RSRC1: variants seen among roughly 807,000 people sequenced by gnomAD.
RSRC1 encodes the protein serine/Arginine-related protein 53.
RSRC1 carries 39 observed loss-of-function variants against 49.1 expected under a neutral mutation model. That is an observed-to-expected ratio of 0.79 (90% CI 0.61 to 1.04). The LOEUF (loss-of-function observed/expected upper bound fraction) is 1.04. RSRC1 is among the 50% of genes least tolerant of loss of function. The probability of loss-of-function intolerance (pLI) is 0.00; values close to 1 mark genes in which losing one functional copy is unlikely to be tolerated. For synonymous variants in RSRC1, 143 were observed against 130.8 expected (o/e 1.09, Z -0.63); for missense variants, 388 against 402.4 (o/e 0.96, Z 0.31).
In RSRC1 at chr3:158,304,380, G is replaced by A. The variant is rs541403130; in HGVS notation, c.531+6305G>A. ...AGACTAATAGTTCTATTTAACACAA[G>A]CATAAACACAGTTAATGGATCATTA... is the stretch of plus-strand genomic sequence containing the variant. On this transcript the variant is annotated intron_variant, in intron 5 of 9. Transcript: ENST00000611884. Among the ~76,000 whole-genome samples, 28 of 152,166 alleles carry A rather than the reference G, an allele frequency of 1.8e-4. No homozygotes were observed. In the East Asian group the frequency reaches 3.1e-3, roughly 17 times the overall value.
At chr3:158,229,589 G>T (rs1419649304) in intron 4 of RSRC1, among the ~76,000 whole-genome samples, 1 of 150,332 alleles carries the variant, frequency 6.7e-6, no homozygotes, top group Admixed American at 6.6e-5. Context: ...TAAGTTTCTG[G>T]TTGTGATTGA....
At chr3:158,422,903 G>A (rs1256135702) in intron 6 of RSRC1, among the ~76,000 whole-genome samples, 7 of 151,966 alleles carry the variant, frequency 4.6e-5, no homozygotes, top group East Asian at 3.9e-4. Flanking sequence ...CATGTCCTTC[G>A]CCCACTTTTT....
chr3:158,324,172 C>T (rs988879966), intron 5 of RSRC1, among the ~76,000 whole-genome samples: 1 of 151,876 alleles, frequency 6.6e-6, no homozygotes, highest in African/African-American at 2.4e-5. Context: ...TGGTATATGG[C>T]TTTCTATCAT....
At chr3:158,248,465 T>C (rs1265432058) in intron 4 of RSRC1, among the ~76,000 whole-genome samples, 1 of 152,188 alleles carries the variant, frequency 6.6e-6, no homozygotes, top group African/African-American at 2.4e-5. Context: ...TGTTTTCTGT[T>C]TTTGACTGTT....
chr3:158,441,424 C>T (rs942038000), intron 6 of RSRC1, among the ~76,000 whole-genome samples: 2 of 151,752 alleles, frequency 1.3e-5, no homozygotes, highest in Non-Finnish European at 2.9e-5. Flanking sequence ...GAACCAAACA[C>T]CCAAGGTATT....
chr3:158,411,007 C>G (rs1397234531), intron 6 of RSRC1, among the ~76,000 whole-genome samples: 5 of 151,978 alleles, frequency 3.3e-5, no homozygotes, highest in African/African-American at 1.2e-4. Flanking sequence ...CTATGTATTG[C>G]TAAGTACTAC....
chr3:158,311,326 TC>T (rs1476065899), intron 5 of RSRC1, among the ~76,000 whole-genome samples: 2 of 151,980 alleles, frequency 1.3e-5, no homozygotes, highest in Non-Finnish European at 2.9e-5. Flanking sequence ...CTAATTTTTT[TC>T]ATTTATTGGA....
chr3:158,439,963 A>G (rs1229932104), intron 6 of RSRC1, among the ~76,000 whole-genome samples: 1 of 152,092 alleles, frequency 6.6e-6, no homozygotes, highest in East Asian at 1.9e-4. Context: ...TTCCAAACCT[A>G]GAGCACAAAA....
chr3:158,175,776 A>G (rs1347110593), intron 3 of RSRC1, among the ~76,000 whole-genome samples: 2 of 152,160 alleles, frequency 1.3e-5, no homozygotes, highest in Non-Finnish European at 2.9e-5. Flanking sequence ...GTCTTTTTAC[A>G]TAGTGCCATA....
chr3:158,373,310 C>G (rs1225771823), intron 6 of RSRC1, among the ~76,000 whole-genome samples: 1 of 151,830 alleles, frequency 6.6e-6, no homozygotes, highest in Non-Finnish European at 1.5e-5. Flanking sequence ...TATTTCTGAT[C>G]CTAATGAGAA....
intron 7 of RSRC1, among the ~76,000 whole-genome samples, chr3:158,477,498 A>T (rs909786524): frequency 6.6e-6 from 1 of 152,112 alleles, no homozygotes; most frequent in Non-Finnish European, 1.5e-5. Context: ...ATGACTTGTT[A>T]AAGGCTCAGA....
At chr3:158,422,985 C>T (rs2108341631) in intron 6 of RSRC1, among the ~76,000 whole-genome samples, 1 of 152,252 alleles carries the variant, frequency 6.6e-6, no homozygotes, top group East Asian at 1.9e-4. Context: ...AGCCCTTTGT[C>T]AGATGAGTAG....
chr3:158,334,681 G>GTGTGTGTGTGTGTA (rs1729779758), intron 5 of RSRC1, among the ~76,000 whole-genome samples: 1 of 150,162 alleles, frequency 6.7e-6, no homozygotes, highest in Non-Finnish European at 1.5e-5. Context: ...GTGTGTGTGT[G>GTGTGTGTGTGTGTA]TGTGTATGTG....
rs549380695 is a variant in RSRC1 at position 158,450,357 on chromosome 3, A to G, written c.584-10578A>G. On this transcript the variant is annotated intron_variant, in intron 6 of 9. Coordinates refer to ENST00000611884, the MANE Select transcript of RSRC1 (RefSeq NM_001271838.2). ...TTTTTTTTTTTTTTTGCTTTTACAC[A>G]GCCAGTCTTTGCACTGGCTGTGTAA... Among the ~76,000 whole-genome samples, 112 of 147,060 alleles carry G rather than the reference A, an allele frequency of 7.6e-4. 1 individual carries two copies. Among genetic ancestry groups the G allele is most frequent in the African/African-American group, 2.7e-3 (108 of 40,162 alleles).
intron 3 of RSRC1, among the ~76,000 whole-genome samples, chr3:158,161,931 A>G (rs1338463266): frequency 6.6e-6 from 1 of 152,114 alleles, no homozygotes; most frequent in East Asian, 1.9e-4. Flanking sequence ...AAGTGAAGCA[A>G]ATCGTATCAC....
chr3:158,525,029 A>T (rs193018907), intron 7 of RSRC1, among the ~76,000 whole-genome samples: 30 of 152,158 alleles, frequency 2.0e-4, no homozygotes, highest in Non-Finnish European at 2.4e-4. Flanking sequence ...GATTTTTTGG[A>T]TAAGACACAA....
intron 4 of RSRC1, among the ~76,000 whole-genome samples, chr3:158,281,417 G>C (rs940887404): frequency 1.3e-5 from 2 of 150,954 alleles, no homozygotes; most frequent in African/African-American, 4.9e-5. Context: ...TACATTTTTT[G>C]CACATGTACG....
intron 3 of RSRC1, among the ~76,000 whole-genome samples, chr3:158,134,983 G>A (rs1385222543): frequency 6.6e-6 from 1 of 151,940 alleles, no homozygotes; most frequent in Non-Finnish European, 1.5e-5. Context: ...TTACATCAGT[G>A]GTGATTAATT....
chr3:158,429,523 G>A (rs36085103), intron 6 of RSRC1, among the ~76,000 whole-genome samples: 16,150 of 138,490 alleles, frequency 0.12, 806 homozygotes, highest in Middle Eastern at 0.18. Context: ...CTCTTCAATG[G>A]ATCAAAATAT....
Sources: allele counts gnomAD v4.1 joint callset (sites outside exome capture counted in the v4.1 genomes callset), GRCh38; gene constraint gnomAD v4.1.1; transcripts MANE v1.5; gene names NCBI Gene and HGNC (gene_info 2026-07-23, HGNC 2026-07-21).